The following KIT variants were observed in gnomAD, a reference collection of about 807,000 sequenced individuals.
KIT encodes KIT proto-oncogene, receptor tyrosine kinase, also known as mast/stem cell growth factor receptor Kit.
A neutral mutation model predicts 105.7 loss-of-function variants in KIT; 16 were observed. The ratio of observed to expected loss-of-function variants is 0.15; its 90% CI spans 0.10 to 0.23. The LOEUF (loss-of-function observed/expected upper bound fraction) is 0.23. Among genes scored for constraint, KIT ranks in the 10% least tolerant of loss-of-function variants. The probability of loss-of-function intolerance (pLI) is 1.00; values close to 1 mark genes in which losing one functional copy is unlikely to be tolerated. For missense variants in KIT, 858 were observed against 1,213.8 expected, an observed-to-expected ratio of 0.71 and a Z score of 4.36; for synonymous variants, 438 against 441.1, an observed-to-expected ratio of 0.99 and a Z score of 0.09.
chr4:54,727,085 TCTGAGACTCACATAGCTTTG>T, intron 9 of KIT, 113 bp from the exon 10 acceptor site: 1 of 785,848 alleles, frequency 1.3e-6, no homozygotes, highest in Admixed American at 1.7e-5. Context: ...AAGGTGAAGC[TCTGAGACTCACATAGCTTTG>T]CATCCTGCCA....
chr4:54,667,940 C>G (rs550011070), intron 1 of KIT, among the ~76,000 whole-genome samples: 1 of 152,206 alleles, frequency 6.6e-6, no homozygotes, highest in Admixed American at 6.5e-5. Context: ...TTCCCCACTC[C>G]TAGCCAAGAT....
At chr4:54,692,985 G>C (rs1172703637) in intron 1 of KIT, among the ~76,000 whole-genome samples, 1 of 152,178 alleles carries the variant, frequency 6.6e-6, no homozygotes, top group Non-Finnish European at 1.5e-5. Context: ...CCACCCTCCT[G>C]TAAAGCACCT....
chr4:54,665,451 G>C (rs137864254), intron 1 of KIT, among the ~76,000 whole-genome samples: 67 of 152,312 alleles, frequency 4.4e-4, no homozygotes, highest in Non-Finnish European at 8.8e-4. Context: ...ATCTCTGAGT[G>C]AAGGGGTAGT....
In KIT at chr4:54,669,426, T is replaced by C. The variant is rs1255275998; in HGVS notation, c.67+11345T>C. Among the ~76,000 whole-genome samples, 4 of 152,246 alleles carry C rather than the reference T, an allele frequency of 2.6e-5. No individual in the cohort carries two copies. The East Asian group carries it at 7.7e-4, about 29-fold the overall frequency. ...AGTGAGGTGGGTCCCCCACGGGGTC[T>C]AGTGGCTTTGCGCCATACTGGCCAC... On this transcript the variant is annotated intron_variant, in intron 1 of 20. Coordinates refer to ENST00000288135, the MANE Select transcript of KIT (RefSeq NM_000222.3).
At chr4:54,666,578 A>G (rs535935538) in intron 1 of KIT, among the ~76,000 whole-genome samples, 2 of 147,784 alleles carry the variant, frequency 1.4e-5, no homozygotes, top group African/African-American at 2.5e-5. Flanking sequence ...GCACCCGGCA[A>G]TTTTTTTTTT....
In KIT at chr4:54,733,201, C is replaced by T. The variant is rs2109802167; in HGVS notation, c.2484+9C>T. On this transcript the variant is annotated intron_variant, in intron 17 of 20. Transcript: ENST00000288135. ...ATGTGGTTAAAGGAAACGTGAGTAC[C>T]CATTCTCTGCTTGACAGTCCTGCAA... The T allele has an allele frequency of 6.2e-7, 1 of 1,611,450 alleles. No homozygotes were observed. Among genetic ancestry groups the T allele is most frequent in the African/African-American group, 1.3e-5 (1 of 74,888 alleles).
rs1325740945 is a variant in KIT, at chr4:54,739,374, AT to A, written c.*823del. The A allele has an allele frequency of 4.3e-6, 1 of 233,854 alleles. No homozygotes were observed. Among genetic ancestry groups the A allele is most frequent in the Non-Finnish European group, 8.5e-6 (1 of 118,194 alleles). The allele number at this position is 233,854 out of a possible 1,614,324, so 14.5% of individuals were successfully genotyped here. ...AAGTTTGAAGGAAACAGTTAATACC[AT>A]TTTTTAAGGAAACAATATAACCACA... On this transcript the variant is annotated 3_prime_UTR_variant, in exon 21 of 21. Transcript: ENST00000288135.
At chr4:54,687,922 C>T (rs191104248) in intron 1 of KIT, among the ~76,000 whole-genome samples, 1 of 152,216 alleles carries the variant, frequency 6.6e-6, no homozygotes, top group Non-Finnish European at 1.5e-5. Flanking sequence ...GCTGTGAGCT[C>T]CCCCATGAGC....
chr4:54,717,719 T>G (rs755807368), intron 7 of KIT, among the ~76,000 whole-genome samples: 7 of 152,112 alleles, frequency 4.6e-5, no homozygotes, highest in Non-Finnish European at 1.0e-4. Context: ...TTTAAATTAA[T>G]CCAAGAATAG....
chr4:54,679,787 TAAAC>T (rs1718771974), intron 1 of KIT, among the ~76,000 whole-genome samples: 1 of 152,208 alleles, frequency 6.6e-6, no homozygotes, highest in Admixed American at 6.5e-5. Flanking sequence ...GACGAATGGA[TAAAC>T]AAAAATATAG....
intron 5 of KIT, among the ~76,000 whole-genome samples, chr4:54,706,801 T>TA (rs1339540075): frequency 5.3e-5 from 8 of 152,168 alleles, no homozygotes; most frequent in Non-Finnish European, 1.0e-4. Flanking sequence ...TCTTTTAACC[T>TA]AATAAACATC....
intron 1 of KIT, among the ~76,000 whole-genome samples, chr4:54,665,425 A>T (rs1005694776): frequency 1.3e-5 from 2 of 152,196 alleles, no homozygotes; most frequent in South Asian, 4.1e-4. Context: ...TGGGCAGAAG[A>T]TGGGCTCTTT....
intron 5 of KIT, among the ~76,000 whole-genome samples, chr4:54,706,143 T>A: frequency 6.6e-6 from 1 of 152,160 alleles, no homozygotes; most frequent in Admixed American, 6.5e-5. Flanking sequence ...ATAGCACTTT[T>A]GTTTTTGGCC....
chr4:54,671,634 C>G (rs1718115895), intron 1 of KIT, among the ~76,000 whole-genome samples: 1 of 151,932 alleles, frequency 6.6e-6, no homozygotes, highest in Non-Finnish European at 1.5e-5. Context: ...TTAAGTAAAC[C>G]CTATTTAAAT....
chr4:54,672,122 G>A (rs549534247), intron 1 of KIT, among the ~76,000 whole-genome samples: 87 of 152,320 alleles, frequency 5.7e-4, no homozygotes, highest in Middle Eastern at 3.4e-3. Context: ...TCTACACATT[G>A]TAATTGGTTG....
intron 1 of KIT, among the ~76,000 whole-genome samples, chr4:54,669,219 C>A (rs529190195): frequency 1.3e-5 from 2 of 152,116 alleles, no homozygotes; most frequent in South Asian, 4.2e-4. Flanking sequence ...GGACCCCCCC[C>A]CCTTGCTTTT....
At chr4:54,659,860 G>C (rs556199354) in intron 1 of KIT, among the ~76,000 whole-genome samples, 2 of 152,056 alleles carry the variant, frequency 1.3e-5, no homozygotes, top group South Asian at 4.2e-4. Flanking sequence ...TTTGGCAAAG[G>C]GAATTTTAAG....
In KIT at chr4:54,682,842, C is replaced by G. The variant is rs529416527; in HGVS notation, c.68-12670C>G. Among the ~76,000 whole-genome samples the G allele has an allele frequency of 1.3e-4, 20 of 151,950 alleles. No individual in the cohort carries two copies. In the South Asian group the frequency reaches 4.0e-3, roughly 30 times the overall value. Reference sequence around the variant, plus strand: ...TCTCGGCTCACTGCAACCTCTGCCTCCCTGGTTCAAACGATTCTTGTGCCT... The same window carrying G: ...TCTCGGCTCACTGCAACCTCTGCCTGCCTGGTTCAAACGATTCTTGTGCCT... On this transcript the variant is annotated intron_variant, in intron 1 of 20. Coordinates refer to ENST00000288135, the MANE Select transcript of KIT (RefSeq NM_000222.3).
At chr4:54,709,632 T>A (rs1721013784) in intron 7 of KIT, 93 bp downstream of exon 7, 1 of 792,286 alleles carries the variant, frequency 1.3e-6, no homozygotes, top group South Asian at 1.4e-5. Flanking sequence ...TTGTGTACTA[T>A]GTAAATAACG....
Sources: allele counts gnomAD v4.1 joint callset (sites outside exome capture counted in the v4.1 genomes callset), GRCh38; gene constraint gnomAD v4.1.1; transcripts MANE v1.5; gene names NCBI Gene and HGNC (gene_info 2026-07-23, HGNC 2026-07-21).